The following PRR5L variants were observed in gnomAD, a reference collection of about 807,000 sequenced individuals.
The protein encoded by PRR5L is proline rich 5 like.
In PRR5L, 21 loss-of-function variants were observed where a neutral mutation model predicts 36.4. The ratio of observed to expected loss-of-function variants is 0.58; its 90% CI spans 0.41 to 0.83. The LOEUF (loss-of-function observed/expected upper bound fraction) is 0.83. Among genes scored for constraint, PRR5L ranks in the 40% least tolerant of loss-of-function variants. The probability of loss-of-function intolerance (pLI) is 0.00; values close to 1 mark genes in which losing one functional copy is unlikely to be tolerated. For synonymous variants in PRR5L, 188 were observed against 197.0 expected, an observed-to-expected ratio of 0.95 and a Z score of 0.38; for missense variants, 381 against 473.3, an observed-to-expected ratio of 0.80 and a Z score of 1.81.
intron 5 of PRR5L, among the ~76,000 whole-genome samples, chr11:36,432,706 G>A (rs1255698271): frequency 6.6e-6 from 1 of 152,158 alleles, no homozygotes; most frequent in Non-Finnish European, 1.5e-5. Context: ...GCACACAGGC[G>A]AACATACCGG....
At chr11:36,325,063 CA>C (rs2133467142) in intron 1 of PRR5L, among the ~76,000 whole-genome samples, 1 of 152,294 alleles carries the variant, frequency 6.6e-6, no homozygotes, top group South Asian at 2.1e-4. Flanking sequence ...AACATGGTGG[CA>C]AGCCTCGTGT....
intron 1 of PRR5L, among the ~76,000 whole-genome samples, chr11:36,391,028 GCTTCCGA>G (rs1231713144): frequency 2.9e-4 from 5 of 16,982 alleles, no homozygotes; most frequent in Non-Finnish European, 1.6e-4. Flanking sequence ...GACTGCAGAA[GCTTCCGA>G]GGGTTGTGTG....
chr11:36,383,565 T>G (rs1857406641), intron 1 of PRR5L, among the ~76,000 whole-genome samples: 1 of 152,242 alleles, frequency 6.6e-6, no homozygotes, highest in Non-Finnish European at 1.5e-5. Flanking sequence ...AAAAGGAGTC[T>G]GAGGACACTC....
At chr11:36,437,066 C>T (rs772582389) in intron 5 of PRR5L, among the ~76,000 whole-genome samples, 2 of 152,150 alleles carry the variant, frequency 1.3e-5, no homozygotes, top group African/African-American at 4.8e-5. Context: ...CCTAATGCTG[C>T]GCCTCCCATT....
chr11:36,412,477 T>C (rs1858047048), intron 3 of PRR5L, among the ~76,000 whole-genome samples: 2 of 152,284 alleles, frequency 1.3e-5, no homozygotes, highest in Non-Finnish European at 2.9e-5. Context: ...AACCCTAGGA[T>C]AGAGTGGGAA....
chr11:36,378,900 C>G (rs1208703252), intron 1 of PRR5L, among the ~76,000 whole-genome samples: 1 of 152,202 alleles, frequency 6.6e-6, no homozygotes, highest in Admixed American at 6.5e-5. Context: ...AGGGATGGAG[C>G]TGAGAATGGA....
rs558135918 is a variant in PRR5L, at chr11:36,413,323, TTC to T, written c.246-5928_246-5927del. Among the ~76,000 whole-genome samples the T allele has an allele frequency of 4.1e-4, 63 of 152,264 alleles. 2 individuals are homozygous for T. In the South Asian group the frequency reaches 0.012, roughly 28 times the overall value. ...TGGTGGATTCCCAGGACTTGTGGGA[TTC>T]TCTGTTAGCTGGTACACACCCTGCT... On this transcript the variant is annotated intron_variant, in intron 3 of 8. Coordinates refer to ENST00000530639, the MANE Select transcript of PRR5L (RefSeq NM_001160167.2).
intron 3 of PRR5L, among the ~76,000 whole-genome samples, chr11:36,416,602 G>A (rs1034665381): frequency 1.3e-5 from 2 of 152,294 alleles, no homozygotes; most frequent in South Asian, 4.1e-4. Context: ...GCTGCTTCTA[G>A]CTTCAGAGTC....
intron 1 of PRR5L, among the ~76,000 whole-genome samples, chr11:36,367,577 C>A (rs1417260276): frequency 2.6e-5 from 4 of 152,174 alleles, no homozygotes; most frequent in African/African-American, 9.7e-5. Flanking sequence ...CATTGATTGA[C>A]CTAAGGTTTG....
chr11:36,437,052 C>G (rs554222665), intron 5 of PRR5L, among the ~76,000 whole-genome samples: 6 of 152,282 alleles, frequency 3.9e-5, no homozygotes, highest in Non-Finnish European at 2.9e-5. Context: ...CTTTCCTCCC[C>G]ACACCTAATG....
At chr11:36,422,143 T>C (rs1188707835) in intron 4 of PRR5L, among the ~76,000 whole-genome samples, 1 of 152,206 alleles carries the variant, frequency 6.6e-6, no homozygotes, top group African/African-American at 2.4e-5. Context: ...GACTCAGATT[T>C]GGAAAGCCCA....
chr11:36,401,212 G>A lies in PRR5L; in HGVS notation c.91G>A (p.Val31Met), dbSNP rs892498327. The A allele has an allele frequency of 1.1e-5, 17 of 1,613,842 alleles. No homozygotes were observed. The East Asian group carries it at 1.1e-4, about 11-fold the overall frequency. Reference protein sequence around the residue: ...RPRPRFMSSPVLSDLPRFQAA... With the variant: ...RPRPRFMSSPMLSDLPRFQAA... Reference sequence around the variant, plus strand: ...TAGACCGCGCTTCATGAGCTCCCCCGTGCTCAGCGACCTTCCCCGATTCCA... The same window carrying A: ...TAGACCGCGCTTCATGAGCTCCCCCATGCTCAGCGACCTTCCCCGATTCCA... The change falls in exon 2 of 9, where the codon GTG (valine) becomes ATG (methionine). Residue 31 changes from valine to methionine, a missense_variant. Transcript: ENST00000530639.
intron 1 of PRR5L, among the ~76,000 whole-genome samples, chr11:36,394,641 C>G (rs1857620803): frequency 6.6e-6 from 1 of 152,172 alleles, no homozygotes; most frequent in South Asian, 2.1e-4. Flanking sequence ...GCGTCTGTCT[C>G]CATATCACCT....
chr11:36,307,231 T>C (rs1373934136), intron 1 of PRR5L, among the ~76,000 whole-genome samples: 1 of 152,142 alleles, frequency 6.6e-6, no homozygotes, highest in African/African-American at 2.4e-5. Context: ...AGTTTGCAAA[T>C]GCTTCATATG....
intron 8 of PRR5L, among the ~76,000 whole-genome samples, chr11:36,455,702 G>T (rs1373773192): frequency 6.6e-6 from 1 of 152,198 alleles, no homozygotes; most frequent in Non-Finnish European, 1.5e-5. Flanking sequence ...GAAAAAGATT[G>T]GGGAGGAGAA....
intron 4 of PRR5L, 72 bp from the exon 5 acceptor site, chr11:36,431,781 A>G (rs1858501059): frequency 2.3e-5 from 32 of 1,388,584 alleles, no homozygotes; most frequent in Non-Finnish European, 3.2e-5. Context: ...TGCCCACTGG[A>G]AGTGGAAGAG....
intron 1 of PRR5L, among the ~76,000 whole-genome samples, chr11:36,348,864 C>T (rs1856893297): frequency 1.3e-5 from 2 of 152,064 alleles, no homozygotes; most frequent in Non-Finnish European, 2.9e-5. Context: ...TTAGCTAGCC[C>T]GTGACCACTC....
At chr11:36,439,363 C>G (rs1858672794) in intron 6 of PRR5L, among the ~76,000 whole-genome samples, 1 of 152,106 alleles carries the variant, frequency 6.6e-6, no homozygotes, top group Non-Finnish European at 1.5e-5. Flanking sequence ...AAGCTCAGAG[C>G]CAGGCAGGAG....
At chr11:36,336,294 T>C (rs1856768121) in intron 1 of PRR5L, among the ~76,000 whole-genome samples, 1 of 152,182 alleles carries the variant, frequency 6.6e-6, no homozygotes, top group Non-Finnish European at 1.5e-5. Flanking sequence ...AGTGGCACGA[T>C]CACAGCTCAC....
Sources: gnomAD v4.1 joint callset for allele counts (sites outside exome capture counted in the v4.1 genomes callset) on GRCh38, gnomAD v4.1.1 for gene constraint, MANE v1.5 for transcripts, NCBI Gene and HGNC (gene_info 2026-07-23, HGNC 2026-07-21) for gene names.